The following AGMO variants were observed in gnomAD, a reference collection of about 807,000 sequenced individuals.
AGMO encodes glyceryl-ether monooxygenase.
A neutral mutation model predicts 60.2 loss-of-function variants in AGMO; 75 were observed. The observed-to-expected ratio is 1.25, with a 90% CI of 1.03 to 1.51. The LOEUF is 1.51. Ranked by LOEUF, AGMO falls within the 40% of genes most tolerant of loss-of-function variation. The pLI is 0.00. For synonymous variants in AGMO, 261 were observed against 177.1 expected (o/e 1.47, Z -3.76); for missense variants, 763 against 525.5 (o/e 1.45, Z -4.42).
chr7:15,178,788 C>T, the AGMO span, among the ~76,000 whole-genome samples: 6 of 152,092 alleles, frequency 3.9e-5, no homozygotes, highest in African/African-American at 1.2e-4. Context: ...CAGAATACTA[C>T]AGTCTGGTAA....
chr7:15,413,508 C>T (rs1230155676), intron 5 of AGMO, among the ~76,000 whole-genome samples: 1 of 151,982 alleles, frequency 6.6e-6, no homozygotes, highest in African/African-American at 2.4e-5. Flanking sequence ...TTAAATACCA[C>T]AGTGGCACGT....
intron 3 of AGMO, among the ~76,000 whole-genome samples, chr7:15,478,497 A>G (rs1782656460): frequency 6.6e-6 from 1 of 152,178 alleles, no homozygotes; most frequent in Non-Finnish European, 1.5e-5. Flanking sequence ...ACCAGCTAAT[A>G]TACTTTACAA....
At chr7:15,355,424 A>C (rs946409377) in intron 12 of AGMO, among the ~76,000 whole-genome samples, 1 of 141,438 alleles carries the variant, frequency 7.1e-6, no homozygotes, top group Non-Finnish European at 1.5e-5. Context: ...AACAGCGTGA[A>C]CCTGGGAGGT....
intron 12 of AGMO, among the ~76,000 whole-genome samples, chr7:15,247,449 CA>C (rs1782776254): frequency 8.6e-6 from 1 of 116,426 alleles, no homozygotes; most frequent in Non-Finnish European, 1.8e-5. Flanking sequence ...CACACACACA[CA>C]CACACACACA....
intron 3 of AGMO, among the ~76,000 whole-genome samples, chr7:15,518,623 T>A (rs895880310): frequency 6.6e-6 from 1 of 152,036 alleles, no homozygotes; most frequent in Non-Finnish European, 1.5e-5. Flanking sequence ...AGCAGTAGCA[T>A]TGACATCAAC....
At chr7:15,467,158 T>C (rs1057273809) in intron 3 of AGMO, among the ~76,000 whole-genome samples, 2 of 152,168 alleles carry the variant, frequency 1.3e-5, no homozygotes, top group Admixed American at 6.6e-5. Flanking sequence ...GGATTTTATA[T>C]GGAAAACGCA....
chr7:15,147,028 C>G, the AGMO span, among the ~76,000 whole-genome samples: 36 of 151,912 alleles, frequency 2.4e-4, no homozygotes, highest in Admixed American at 9.2e-4. Context: ...CAAAAAAACC[C>G]ACAATGGCTT....
At chr7:15,491,216 G>A (rs914716911) in intron 3 of AGMO, among the ~76,000 whole-genome samples, 4 of 152,254 alleles carry the variant, frequency 2.6e-5, no homozygotes, top group Admixed American at 6.5e-5. Flanking sequence ...AAGAACTCAT[G>A]GTTTAGTCGA....
In AGMO at chr7:15,508,648, G is replaced by A. The variant is rs189467332; in HGVS notation, c.409+36124C>T. 4.8e-3 allele frequency among the ~76,000 whole-genome samples: 725 copies of A among 151,790 alleles called. 5 individuals carry two copies. The highest frequency in any genetic ancestry group is 8.7e-3 in the Non-Finnish European group (589 of 67,962). On this transcript the variant is annotated intron_variant, in intron 3 of 12. Transcript: ENST00000342526. The stretch of plus-strand genomic sequence containing the variant: ...GGAAAGTTCACCAATAAGAATGCTC[G>A]CACAAGACAGCCTCTGTACACTGCG...
chr7:15,540,225 G>C (rs1287034601), intron 3 of AGMO, among the ~76,000 whole-genome samples: 2 of 152,164 alleles, frequency 1.3e-5, no homozygotes, highest in East Asian at 1.9e-4. Flanking sequence ...CTAAGACTCA[G>C]ACATCTCTGG....
chr7:15,335,420 T>C (rs970043410), intron 12 of AGMO, among the ~76,000 whole-genome samples: 3 of 152,174 alleles, frequency 2.0e-5, no homozygotes, highest in African/African-American at 7.2e-5. Flanking sequence ...ATTTCTTCTG[T>C]CATAGTGGTA....
intron 3 of AGMO, among the ~76,000 whole-genome samples, chr7:15,529,646 ACTATATATTC>A (rs1375212030): frequency 0.033 from 312 of 9,476 alleles, 95 homozygotes; most frequent in African/African-American, 0.14. Flanking sequence ...ATATATATAT[ACTATATATTC>A]TATATATATT....
At chr7:15,431,236 A>G (rs1562503651) in intron 3 of AGMO, 128 bp from the exon 4 acceptor site, 5 of 628,344 alleles carry the variant, frequency 8.0e-6, no homozygotes, top group South Asian at 5.8e-5. Flanking sequence ...GCTGGCCAAT[A>G]TAATTATAAT....
downstream of AGMO, among the ~76,000 whole-genome samples, chr7:15,196,787 G>C (rs116734184): frequency 2.0e-5 from 3 of 152,168 alleles, no homozygotes; most frequent in Non-Finnish European, 4.4e-5. Flanking sequence ...AATGAAGAAA[G>C]AACATGCCCA....
At chr7:15,353,168 T>A (rs890249884) in intron 12 of AGMO, among the ~76,000 whole-genome samples, 1 of 152,068 alleles carries the variant, frequency 6.6e-6, no homozygotes, top group African/African-American at 2.4e-5. Flanking sequence ...TAGGAGTAAA[T>A]GATGTTTACT....
At chr7:15,265,201 A>T (rs779933948) in intron 12 of AGMO, among the ~76,000 whole-genome samples, 5 of 152,154 alleles carry the variant, frequency 3.3e-5, no homozygotes, top group Non-Finnish European at 7.4e-5. Context: ...CAAATACCAC[A>T]TGTTCTCACT....
chr7:15,397,868 A>T (rs1266740167), intron 5 of AGMO, among the ~76,000 whole-genome samples: 1 of 152,200 alleles, frequency 6.6e-6, no homozygotes, highest in Non-Finnish European at 1.5e-5. Context: ...AATAACCAGG[A>T]ATTGGGAAGA....
the AGMO span, among the ~76,000 whole-genome samples, chr7:15,133,507 C>G: frequency 6.8e-6 from 1 of 147,894 alleles, no homozygotes; most frequent in African/African-American, 2.5e-5. Context: ...TAGCTGGAGG[C>G]TAAAATCATC....
intron 10 of AGMO, among the ~76,000 whole-genome samples, chr7:15,384,465 TAATA>T (rs1332830503): frequency 1.3e-5 from 2 of 152,196 alleles, no homozygotes; most frequent in Non-Finnish European, 2.9e-5. Flanking sequence ...CTGTGCATTT[TAATA>T]ATTACATTTT....
Sources: allele counts gnomAD v4.1 joint callset (sites outside exome capture counted in the v4.1 genomes callset), GRCh38; gene constraint gnomAD v4.1.1; transcripts MANE v1.5; gene names NCBI Gene and HGNC (gene_info 2026-07-23, HGNC 2026-07-21).